LRRK2: variants seen among roughly 807,000 people sequenced by gnomAD.
LRRK2 encodes the protein leucine-rich repeat serine/threonine-protein kinase 2.
Under a neutral mutation model 302.6 loss-of-function variants are expected in LRRK2, and 203 were observed. The ratio of observed to expected loss-of-function variants is 0.67; its 90% CI spans 0.60 to 0.75. LRRK2 has a LOEUF of 0.75. LRRK2 is among the 30% of genes least tolerant of loss of function. The pLI, the probability that LRRK2 is intolerant of heterozygous loss-of-function variation, is 0.00. For missense variants in LRRK2, 2,830 were observed against 2,951.0 expected, an observed-to-expected ratio of 0.96 and a Z score of 0.95; for synonymous variants, 1,066 against 1,031.9, an observed-to-expected ratio of 1.03 and a Z score of -0.63.
In LRRK2 at chr12:40,322,370, A is replaced by G; in HGVS notation, c.5369A>G (p.Glu1790Gly). 1 of 1,613,738 alleles carries G rather than the reference A, an allele frequency of 6.2e-7. No homozygotes were observed. Among genetic ancestry groups the G allele is most frequent in the Non-Finnish European group, 8.5e-7 (1 of 1,179,692 alleles). Residue 1790 changes from glutamate (E) to glycine (G), a missense_variant, in exon 37 of 51, where the codon GAA becomes GGA. Transcript: ENST00000298910. ...GACCACATTGATTCTCTCATGGAAG[A>G]ATGGTTTCCTGGGTTGCTGGAGATT... ...VVDHIDSLME[E>G]WFPGLLEIDI... is the part of the protein sequence containing the mutation.
At chr12:40,339,611 C>A (rs1461420596) in intron 40 of LRRK2, among the ~76,000 whole-genome samples, 1 of 152,120 alleles carries the variant, frequency 6.6e-6, no homozygotes, top group Non-Finnish European at 1.5e-5. Context: ...TGTATTCATT[C>A]TAACTCTTAG....
chr12:40,235,793 G>GTGTTTTTT, intron 4 of LRRK2, 79 bp downstream of exon 4: 1 of 462,708 alleles, frequency 2.2e-6, no homozygotes, highest in Non-Finnish European at 3.7e-6. Flanking sequence ...GTGTGTGTGT[G>GTGTTTTTT]TTTTTTTTTT....
intron 39 of LRRK2, among the ~76,000 whole-genome samples, chr12:40,334,070 A>C (rs573149473): frequency 6.6e-6 from 1 of 152,258 alleles, no homozygotes; most frequent in South Asian, 2.1e-4. Context: ...ATTTTTTTAA[A>C]ATTGAGCATT....
chr12:40,321,960 C>T, intron 35 of LRRK2, 75 bp from the exon 36 acceptor site: 4 of 1,419,614 alleles, frequency 2.8e-6, no homozygotes, highest in Non-Finnish European at 4.0e-6. Context: ...GTATTACAAT[C>T]ACTTGTGTTG....
chr12:40,331,678 G>A (rs1945716859), intron 39 of LRRK2, among the ~76,000 whole-genome samples: 1 of 151,942 alleles, frequency 6.6e-6, no homozygotes, highest in South Asian at 2.1e-4. Flanking sequence ...GGCCACATGC[G>A]ACCTGTGGGC....
At chr12:40,305,682 G>A in intron 27 of LRRK2, 103 bp from the exon 28 acceptor site, 2 of 993,468 alleles carry the variant, frequency 2.0e-6, no homozygotes, top group Non-Finnish European at 1.6e-6. Flanking sequence ...TGTGCAAGCT[G>A]CTGATGGAAT....
intron 40 of LRRK2, among the ~76,000 whole-genome samples, chr12:40,338,764 A>G (rs941206591): frequency 2.0e-5 from 3 of 152,184 alleles, no homozygotes; most frequent in African/African-American, 7.2e-5. Flanking sequence ...CTATAAATAT[A>G]CTTAAAGAGG....
intron 30 of LRRK2, 57 bp downstream of exon 30, chr12:40,309,290 G>GTA: frequency 1.3e-6 from 2 of 1,570,954 alleles, no homozygotes; most frequent in Non-Finnish European, 1.7e-6. Flanking sequence ...GTGTGCGTGT[G>GTA]TGTGTGTGTG....
At position 40,308,157 on chromosome 12, in the gene LRRK2, A is replaced by T. The variant is rs117997005; in HGVS notation, c.3960-310A>T. 0.015 allele frequency among the ~76,000 whole-genome samples: 2,311 copies of T among 152,258 alleles called. 28 individuals are homozygous for T. The highest frequency in any genetic ancestry group is 0.023 in the Non-Finnish European group (1,575 of 68,010). ...TGTATGTATATGTGTGTATATATAG[A>T]GGTATATATATATTGCATATCGTAT... On this transcript the variant is annotated intron_variant, in intron 28 of 50. Coordinates refer to ENST00000298910, the MANE Select transcript of LRRK2 (RefSeq NM_198578.4).
chr12:40,296,665 C>A (rs567143218), intron 23 of LRRK2, among the ~76,000 whole-genome samples: 1 of 152,072 alleles, frequency 6.6e-6, no homozygotes, highest in Admixed American at 6.5e-5. Context: ...AATGCATTTC[C>A]CCCTTTTTAA....
intron 20 of LRRK2, among the ~76,000 whole-genome samples, chr12:40,291,714 A>T (rs888420474): frequency 6.6e-6 from 1 of 151,924 alleles, no homozygotes; most frequent in African/African-American, 2.4e-5. Context: ...GGGTCAAATC[A>T]ATAGGCCAAA....
intron 38 of LRRK2, among the ~76,000 whole-genome samples, chr12:40,326,787 GT>G (rs1945566248): frequency 6.6e-6 from 1 of 152,026 alleles, no homozygotes; most frequent in Admixed American, 6.6e-5. Flanking sequence ...CTAACTAATG[GT>G]TTTTAAAAGT....
intron 31 of LRRK2, among the ~76,000 whole-genome samples, chr12:40,313,696 T>TC (rs397720986): frequency 1.3e-5 from 2 of 151,948 alleles, no homozygotes; most frequent in African/African-American, 4.8e-5. Context: ...TGTTTTTTTT[T>TC]CCATGGAATT....
chr12:40,289,920 C>CT (rs201253906), intron 20 of LRRK2, among the ~76,000 whole-genome samples: 12 of 151,144 alleles, frequency 7.9e-5, no homozygotes, highest in South Asian at 4.2e-4. Flanking sequence ...TTTATGTCTT[C>CT]TTTTTTTTTC....
chr12:40,310,669 G>C lies in LRRK2; in HGVS notation c.4536+20G>C. 6.2e-7 allele frequency: 1 copy of C among 1,608,732 alleles called. No individual in the cohort carries two copies. The highest frequency in any genetic ancestry group is 8.5e-7 in the Non-Finnish European group (1 of 1,175,626). ...TTCAAGGTAACATGGTAGGCTGGTA[G>C]AGAAATGTAATTTATTGATTCTCAA... On this transcript the variant is annotated intron_variant, in intron 31 of 50. Coordinates refer to ENST00000298910, the MANE Select transcript of LRRK2 (RefSeq NM_198578.4).
At position 40,225,213 on chromosome 12, in the gene LRRK2, G is replaced by C; in HGVS notation, c.82G>C (p.Glu28Gln). Reference sequence around the variant, plus strand: ...GATAGTCAGGCTGAACAATGTCCAGGAAGGAAAACAGATAGAAACGCTGGT... The same window carrying C: ...GATAGTCAGGCTGAACAATGTCCAGCAAGGAAAACAGATAGAAACGCTGGT... ...KLIVRLNNVQ[E>Q]GKQIETLVQI... The change falls in exon 1 of 51, where the codon GAA becomes CAA. Residue 28 changes from glutamate (E) to glutamine (Q), a missense_variant. Around this residue, in one of 3 missense-constraint regions of LRRK2, gnomAD observed 2,121 missense variants for 2,148.0 expected, o/e 0.99. Transcript: ENST00000298910. The C allele has an allele frequency of 1.2e-6, 2 of 1,614,222 alleles. No homozygotes were observed. Among genetic ancestry groups the C allele is most frequent in the Non-Finnish European group, 1.7e-6 (2 of 1,180,028 alleles).
chr12:40,264,326 C>T (rs967517415), intron 14 of LRRK2, among the ~76,000 whole-genome samples: 5 of 152,132 alleles, frequency 3.3e-5, no homozygotes, highest in African/African-American at 9.7e-5. Context: ...CCAGTGTTAA[C>T]AGTAAAGTCT....
chr12:40,268,084 G>A (rs1213491058), intron 14 of LRRK2, among the ~76,000 whole-genome samples: 1 of 152,168 alleles, frequency 6.6e-6, no homozygotes, highest in African/African-American at 2.4e-5. Flanking sequence ...GTCTAGAACA[G>A]CGATGTTCCA....
chr12:40,295,689 T>C (rs767273387), intron 23 of LRRK2, 45 bp downstream of exon 23: 2 of 1,554,264 alleles, frequency 1.3e-6, no homozygotes, highest in African/African-American at 2.7e-5. Flanking sequence ...TTTGAAGAGC[T>C]TTTGTATTTA....
Sources: gnomAD v4.1 joint callset for allele counts (sites outside exome capture counted in the v4.1 genomes callset) on GRCh38, gnomAD v4.1.1 for gene constraint, gnomAD v4.1.1 regional missense constraint, MANE v1.5 for transcripts, NCBI Gene and HGNC (gene_info 2026-07-23, HGNC 2026-07-21) for gene names.